ARID1B: variants seen among roughly 807,000 people sequenced by gnomAD.
The protein encoded by ARID1B is AT-rich interaction domain 1B.
Under a neutral mutation model 212.3 loss-of-function variants are expected in ARID1B, and 30 were observed. The observed-to-expected ratio is 0.14, with a 90% CI of 0.11 to 0.19. The LOEUF (loss-of-function observed/expected upper bound fraction) is 0.19. ARID1B is among the 10% of genes least tolerant of loss of function. The pLI is 1.00. For synonymous variants in ARID1B, 1,402 were observed against 1,301.7 expected, an observed-to-expected ratio of 1.08 and a Z score of -1.66; for missense variants, 2,891 against 3,204.0, an observed-to-expected ratio of 0.90 and a Z score of 2.36.
intron 5 of ARID1B, among the ~76,000 whole-genome samples, chr6:157,091,056 C>G (rs1185700811): frequency 6.6e-6 from 1 of 152,202 alleles, no homozygotes; most frequent in Non-Finnish European, 1.5e-5. Flanking sequence ...TAACTTCAGT[C>G]TCTGTCCTTT....
intron 1 of ARID1B, among the ~76,000 whole-genome samples, chr6:156,796,495 T>C (rs1013043826): frequency 6.6e-6 from 1 of 152,100 alleles, no homozygotes; most frequent in Non-Finnish European, 1.5e-5. Context: ...GAAAGGTATC[T>C]TTTGCCTAGA....
intron 8 of ARID1B, among the ~76,000 whole-genome samples, chr6:157,161,202 A>G (rs947649416): frequency 1.3e-5 from 2 of 152,196 alleles, no homozygotes; most frequent in East Asian, 3.8e-4. Context: ...ACACGAATCT[A>G]CATTTTTAAA....
At chr6:156,801,539 A>G (rs1780788162) in intron 1 of ARID1B, among the ~76,000 whole-genome samples, 1 of 152,122 alleles carries the variant, frequency 6.6e-6, no homozygotes, top group African/African-American at 2.4e-5. Flanking sequence ...GTACAAATGT[A>G]TTGCAGTTAT....
intron 4 of ARID1B, among the ~76,000 whole-genome samples, chr6:157,061,538 A>G (rs1783341744): frequency 6.6e-6 from 1 of 151,874 alleles, no homozygotes; most frequent in Non-Finnish European, 1.5e-5. Context: ...ACTCCTGGTT[A>G]TTATTGCCTT....
intron 3 of ARID1B, among the ~76,000 whole-genome samples, chr6:156,915,715 G>A (rs1463866841): frequency 6.6e-6 from 1 of 152,146 alleles, no homozygotes; most frequent in Non-Finnish European, 1.5e-5. Flanking sequence ...GGCCAACATG[G>A]TGAAACCCTG....
chr6:157,098,232 C>T (rs1039375841), intron 5 of ARID1B, among the ~76,000 whole-genome samples: 3 of 152,146 alleles, frequency 2.0e-5, no homozygotes, highest in African/African-American at 4.8e-5. Flanking sequence ...TACATCAAAG[C>T]GAGGATTCGA....
chr6:156,896,973 G>C (rs1166247876), intron 2 of ARID1B, among the ~76,000 whole-genome samples: 1 of 152,112 alleles, frequency 6.6e-6, no homozygotes, highest in East Asian at 1.9e-4. Context: ...AAAAGTTCAG[G>C]GTATGGTGAA....
At chr6:157,011,425 A>T (rs915473122) in intron 4 of ARID1B, among the ~76,000 whole-genome samples, 5 of 152,248 alleles carry the variant, frequency 3.3e-5, no homozygotes, top group African/African-American at 4.8e-5. Flanking sequence ...TGATTAGTTA[A>T]AATGAACTAA....
At chr6:156,878,017 A>G (rs1786703734) in intron 2 of ARID1B, among the ~76,000 whole-genome samples, 2 of 151,904 alleles carry the variant, frequency 1.3e-5, no homozygotes, top group African/African-American at 4.8e-5. Flanking sequence ...CGTCTGGCCC[A>G]TGTTTATCCT....
At chr6:156,991,051 A>T (rs951784493) in intron 4 of ARID1B, among the ~76,000 whole-genome samples, 2 of 152,120 alleles carry the variant, frequency 1.3e-5, no homozygotes, top group African/African-American at 4.8e-5. Context: ...GGCTGTTATT[A>T]GTCTTGTTAG....
At chr6:157,060,926 T>G (rs1267549819) in intron 4 of ARID1B, among the ~76,000 whole-genome samples, 1 of 152,096 alleles carries the variant, frequency 6.6e-6, no homozygotes, top group Admixed American at 6.6e-5. Context: ...TTCTTCCCCC[T>G]GGAGCTGCTG....
chr6:156,781,859 T>G (rs938278454), intron 1 of ARID1B, among the ~76,000 whole-genome samples: 1 of 151,984 alleles, frequency 6.6e-6, no homozygotes, highest in Non-Finnish European at 1.5e-5. Flanking sequence ...TAGAGGCAGA[T>G]GTAGGACCAT....
chr6:156,784,579 A>T (rs866300111), intron 1 of ARID1B, among the ~76,000 whole-genome samples: 24 of 152,158 alleles, frequency 1.6e-4, no homozygotes, highest in African/African-American at 5.8e-4. Context: ...CCTTATACTG[A>T]CATCTGAATG....
At chr6:157,088,871 G>T (rs997700680) in intron 5 of ARID1B, among the ~76,000 whole-genome samples, 2 of 152,296 alleles carry the variant, frequency 1.3e-5, no homozygotes, top group African/African-American at 4.8e-5. Context: ...GAGACGACAT[G>T]CTCTCCCAGG....
intron 8 of ARID1B, among the ~76,000 whole-genome samples, chr6:157,157,032 C>T (rs1790623167): frequency 6.6e-6 from 1 of 152,158 alleles, no homozygotes; most frequent in African/African-American, 2.4e-5. Context: ...CCTTTTGCTT[C>T]CTCTCAGACC....
At chr6:156,856,714 A>T (rs796544626) in intron 2 of ARID1B, among the ~76,000 whole-genome samples, 35,610 of 115,810 alleles carry the variant, frequency 0.31, 4,297 homozygotes, top group African/African-American at 0.37. Flanking sequence ...ACACACACAC[A>T]CACACACACA....
At chr6:157,162,981 G>A (rs996811942) in intron 8 of ARID1B, among the ~76,000 whole-genome samples, 2 of 152,236 alleles carry the variant, frequency 1.3e-5, no homozygotes, top group African/African-American at 4.8e-5. Context: ...CAGAGCCCAA[G>A]GGTCTGGGGG....
chr6:157,174,269 C>G (rs534169422), intron 10 of ARID1B, 152 bp downstream of exon 10: 20 of 631,058 alleles, frequency 3.2e-5, no homozygotes, highest in Middle Eastern at 4.4e-4. Context: ...GTCTTCTTTT[C>G]TTTCCCCAGC....
chr6:156,782,928 A>C (rs1779376757), intron 1 of ARID1B, among the ~76,000 whole-genome samples: 1 of 151,760 alleles, frequency 6.6e-6, no homozygotes, highest in Non-Finnish European at 1.5e-5. Context: ...AATCGTTTTC[A>C]TTGGGAGTCC....
Sources: allele counts gnomAD v4.1 joint callset (sites outside exome capture counted in the v4.1 genomes callset), GRCh38; gene constraint gnomAD v4.1.1; transcripts MANE v1.5; gene names NCBI Gene and HGNC (gene_info 2026-07-23, HGNC 2026-07-21).